Variants in AGTPBP1 observed in about 807,000 individuals in gnomAD.
The protein encoded by AGTPBP1 is cytosolic carboxypeptidase 1.
Under a neutral mutation model 143.9 loss-of-function variants are expected in AGTPBP1, and 70 were observed. That is an observed-to-expected ratio of 0.49 (90% CI 0.40 to 0.59). The LOEUF (loss-of-function observed/expected upper bound fraction) is 0.59, where lower values mean the gene tolerates loss of function less well. Among genes scored for constraint, AGTPBP1 ranks in the 20% least tolerant of loss-of-function variants. The probability of loss-of-function intolerance (pLI) is 0.00; values close to 1 mark genes in which losing one functional copy is unlikely to be tolerated. For synonymous variants in AGTPBP1, 463 were observed against 500.2 expected (o/e 0.93, Z 0.99); for missense variants, 1,229 against 1,464.5 (o/e 0.84, Z 2.62).
intron 2 of AGTPBP1, among the ~76,000 whole-genome samples, chr9:85,699,068 A>C (rs1329093015): frequency 6.6e-6 from 1 of 152,138 alleles, no homozygotes; most frequent in African/African-American, 2.4e-5. Flanking sequence ...CAGTGAGAAA[A>C]TTATGGAATT....
intron 23 of AGTPBP1, among the ~76,000 whole-genome samples, chr9:85,583,121 T>C (rs887429979): frequency 6.6e-5 from 10 of 152,120 alleles, no homozygotes; most frequent in African/African-American, 1.2e-4. Flanking sequence ...ACAGACATGC[T>C]AGGGGTGTGG....
At chr9:85,646,227 C>T in intron 12 of AGTPBP1, 94 bp downstream of exon 12, 1 of 802,172 alleles carries the variant, frequency 1.2e-6, no homozygotes, top group East Asian at 2.7e-5. Flanking sequence ...AAAGTAAAAC[C>T]TAAAATTACA....
At chr9:85,793,343 TA>T in the AGTPBP1 span, 2 of 152,168 alleles carry the variant, frequency 1.3e-5, no homozygotes, top group Non-Finnish European at 2.9e-5. Context: ...TATGATCAAA[TA>T]AAAAGAAATC....
At chr9:85,609,959 C>A (rs755623611) in intron 17 of AGTPBP1, among the ~76,000 whole-genome samples, 23 of 152,078 alleles carry the variant, frequency 1.5e-4, no homozygotes, top group Non-Finnish European at 3.4e-4. Flanking sequence ...GTAGGAAAGC[C>A]ACACACCTAA....
At position 85,575,326 on chromosome 9, in the gene AGTPBP1, G is replaced by A; in HGVS notation, c.3492C>T (p.Cys1164=). ...DFENDLIESS[C]KVTSPTTYVL... ...CAATTTTTTCCTACCTAGTTACTTT[G>A]CAGCTTGATTCAATTAAATCATTTT... is the stretch of plus-strand genomic sequence containing the variant. Residue 1164 remains cysteine, a synonymous_variant, in exon 25 of 26, where the codon TGC becomes TGT. Coordinates refer to ENST00000357081, the MANE Select transcript of AGTPBP1 (RefSeq NM_001330701.2). 1 of 1,589,650 alleles carries A rather than the reference G, an allele frequency of 6.3e-7. No homozygotes were observed. The highest frequency in any genetic ancestry group is 1.2e-5 in the South Asian group (1 of 85,162).
At chr9:85,741,450 G>A (rs1181094185) in intron 1 of AGTPBP1, 2 of 985,216 alleles carry the variant, frequency 2.0e-6, no homozygotes, top group African/African-American at 3.5e-5. Context: ...AAAGGGCTGA[G>A]CAGAAAGGGC....
chr9:85,686,030 A>T (rs1835466181), intron 3 of AGTPBP1, among the ~76,000 whole-genome samples: 1 of 152,118 alleles, frequency 6.6e-6, no homozygotes, highest in Admixed American at 6.5e-5. Flanking sequence ...AATCCAAAAT[A>T]GGGTAGGACA....
chr9:85,573,096 C>G (rs968369517), intron 25 of AGTPBP1, among the ~76,000 whole-genome samples: 7 of 152,016 alleles, frequency 4.6e-5, no homozygotes, highest in Non-Finnish European at 7.4e-5. Context: ...CTCCCTCCCC[C>G]TCCCCTTCCC....
At chr9:85,770,096 TATGTATACACAC>T in the AGTPBP1 span, among the ~76,000 whole-genome samples, 2 of 152,046 alleles carry the variant, frequency 1.3e-5, no homozygotes, top group Non-Finnish European at 2.9e-5. Flanking sequence ...TGTGTATGTG[TATGTATACACAC>T]ATGTATACAC....
upstream of AGTPBP1, among the ~76,000 whole-genome samples, chr9:85,744,495 C>G (rs1377936638): frequency 6.6e-6 from 1 of 152,110 alleles, no homozygotes; most frequent in Non-Finnish European, 1.5e-5. Flanking sequence ...TGTCTCAAGA[C>G]CAGGAAAAAT....
intron 14 of AGTPBP1, among the ~76,000 whole-genome samples, chr9:85,626,526 T>C (rs972759378): frequency 6.6e-6 from 1 of 152,228 alleles, no homozygotes; most frequent in African/African-American, 2.4e-5. Context: ...TGCAGAAGAC[T>C]AGGCAAATAA....
In AGTPBP1 at chr9:85,546,644, G is replaced by A. The variant is rs1338758203; in HGVS notation, c.*465C>T. The A allele has an allele frequency of 1.3e-5, 2 of 152,480 alleles. No homozygotes were observed. Among genetic ancestry groups the A allele is most frequent in the Admixed American group, 1.3e-4 (2 of 15,286 alleles). 9.4% of individuals were successfully genotyped at this position (152,480 alleles called of 1,614,324 possible). ...TCAGTCACAACCCAATAGTTAACAT[G>A]ATTCTGAAGAACAGTCTTATCTGCA... On this transcript the variant is annotated 3_prime_UTR_variant, in exon 26 of 26. Transcript: ENST00000357081.
At chr9:85,752,410 A>G in the AGTPBP1 span, among the ~76,000 whole-genome samples, 1 of 152,190 alleles carries the variant, frequency 6.6e-6, no homozygotes, top group Non-Finnish European at 1.5e-5. Flanking sequence ...CTCACAGCAG[A>G]TGGATGTCTT....
intron 17 of AGTPBP1, among the ~76,000 whole-genome samples, chr9:85,598,461 C>G (rs1485971811): frequency 6.6e-6 from 1 of 152,166 alleles, no homozygotes; most frequent in African/African-American, 2.4e-5. Flanking sequence ...TTCAAATTCT[C>G]TATAGCCTTA....
chr9:85,624,794 C>T (rs1831167540), intron 14 of AGTPBP1, among the ~76,000 whole-genome samples: 1 of 152,200 alleles, frequency 6.6e-6, no homozygotes, highest in South Asian at 2.1e-4. Context: ...CTTCCATCCA[C>T]ATAATCAAGG....
intron 7 of AGTPBP1, among the ~76,000 whole-genome samples, chr9:85,672,068 T>C (rs1311116859): frequency 6.6e-6 from 1 of 151,930 alleles, no homozygotes; most frequent in African/African-American, 2.4e-5. Flanking sequence ...TTTACCAACT[T>C]AACCTTTTTT....
the AGTPBP1 span, among the ~76,000 whole-genome samples, chr9:85,801,666 C>G: frequency 6.6e-6 from 1 of 152,052 alleles, no homozygotes; most frequent in Non-Finnish European, 1.5e-5. Flanking sequence ...CAGTTACCAT[C>G]GTAATTTGAG....
intron 1 of AGTPBP1, among the ~76,000 whole-genome samples, chr9:85,724,894 T>A (rs893293875): frequency 1.2e-4 from 18 of 152,096 alleles, no homozygotes; most frequent in Non-Finnish European, 2.5e-4. Context: ...TGAAAAAAAA[T>A]TTTACTACAC....
the AGTPBP1 span, among the ~76,000 whole-genome samples, chr9:85,747,530 G>C: frequency 6.6e-6 from 1 of 152,072 alleles, no homozygotes; most frequent in African/African-American, 2.4e-5. Context: ...CATTTGTTTA[G>C]GTCTTCATTA....
Sources: allele counts gnomAD v4.1 joint callset (sites outside exome capture counted in the v4.1 genomes callset), GRCh38; gene constraint gnomAD v4.1.1; transcripts MANE v1.5; gene names NCBI Gene and HGNC (gene_info 2026-07-23, HGNC 2026-07-21).